WDR17: variants seen among roughly 807,000 people sequenced by gnomAD.
The protein encoded by WDR17 is WD repeat-containing protein 17.
A neutral mutation model predicts 161.7 loss-of-function variants in WDR17; 143 were observed. The observed-to-expected ratio is 0.88, with a 90% CI of 0.77 to 1.02. The LOEUF is 1.02. Among genes scored for constraint, WDR17 ranks in the 50% least tolerant of loss-of-function variants. The probability of loss-of-function intolerance (pLI) is 0.00; values close to 1 mark genes in which losing one functional copy is unlikely to be tolerated. For missense variants in WDR17, 1,469 were observed against 1,520.9 expected, an observed-to-expected ratio of 0.97 and a Z score of 0.57; for synonymous variants, 517 against 515.6, an observed-to-expected ratio of 1.00 and a Z score of -0.04.
At chr4:176,125,436 T>A (rs1420445438) in intron 5 of WDR17, 81 bp downstream of exon 5, 3 of 1,510,416 alleles carry the variant, frequency 2.0e-6, no homozygotes, top group South Asian at 1.3e-5. Context: ...CCTTTATAGG[T>A]TGATTTTGTG....
intron 1 of WDR17, among the ~76,000 whole-genome samples, chr4:176,108,327 G>A (rs567216181): frequency 1.3e-5 from 2 of 152,116 alleles, no homozygotes; most frequent in African/African-American, 4.8e-5. Context: ...GTCTGTAAAG[G>A]CTACATAATG....
intron 1 of WDR17, among the ~76,000 whole-genome samples, chr4:176,082,137 G>T (rs992155547): frequency 1.3e-5 from 2 of 150,970 alleles, no homozygotes; most frequent in African/African-American, 2.4e-5. Flanking sequence ...TATACTATTT[G>T]CCAAAATGAA....
chr4:176,159,073 C>A (rs1047496805), intron 18 of WDR17, among the ~76,000 whole-genome samples: 1 of 152,078 alleles, frequency 6.6e-6, no homozygotes, highest in Middle Eastern at 3.2e-3. Flanking sequence ...AAAATACTTT[C>A]CATTTTCAGC....
At chr4:176,152,140 C>G (rs900059243) in intron 17 of WDR17, among the ~76,000 whole-genome samples, 173 bp downstream of exon 17, 11 of 151,244 alleles carry the variant, frequency 7.3e-5, no homozygotes, top group African/African-American at 1.9e-4. Context: ...TAAAACCCCA[C>G]CTCTACAAAA....
intron 11 of WDR17, 46 bp from the exon 12 acceptor site, chr4:176,145,949 T>C (rs774434510): frequency 3.9e-6 from 6 of 1,528,260 alleles, no homozygotes; most frequent in Non-Finnish European, 5.4e-6. Context: ...TTATTAGTTA[T>C]ATATCATATT....
chr4:176,162,516 A>G (rs913943369), intron 21 of WDR17, among the ~76,000 whole-genome samples: 3 of 152,230 alleles, frequency 2.0e-5, no homozygotes, highest in Admixed American at 6.5e-5. Context: ...TTTCTCACAC[A>G]TACTGACTTT....
Position 176,182,147 on chromosome 4 carries a change from T to C in WDR17, c.*2568T>C, listed in dbSNP as rs1432289892. 6.6e-6 allele frequency: 1 copy of C among 152,016 alleles called. No individual in the cohort carries two copies. Among genetic ancestry groups the C allele is most frequent in the Non-Finnish European group, 1.5e-5 (1 of 67,920 alleles). The allele number at this position is 152,016 out of a possible 1,614,324, so 9.4% of individuals were successfully genotyped here. On this transcript the variant is annotated 3_prime_UTR_variant, in exon 29 of 29. Transcript: ENST00000508596. This position sits in a 1 kb window ranked among gnomAD's most constrained non-coding sequence, Gnocchi z 4.2. ...TATTTGAAAATGTTCATATTACCAA[T>C]AATGTGGACAAATTACTTTGCAGGT...
intron 1 of WDR17, among the ~76,000 whole-genome samples, chr4:176,096,140 G>C (rs1050536610): frequency 2.0e-5 from 3 of 151,880 alleles, no homozygotes; most frequent in African/African-American, 7.3e-5. Context: ...ATTTTCTGCT[G>C]CCCATTTTGT....
At chr4:176,119,170 A>G (rs140678380) in intron 3 of WDR17, among the ~76,000 whole-genome samples, 292 of 152,234 alleles carry the variant, frequency 1.9e-3, no homozygotes, top group African/African-American at 6.8e-3. Flanking sequence ...TATATTAACA[A>G]TTAACTTTTA....
intron 12 of WDR17, among the ~76,000 whole-genome samples, chr4:176,147,337 C>A (rs941036374): frequency 4.5e-4 from 68 of 152,186 alleles, no homozygotes; most frequent in African/African-American, 1.5e-3. Context: ...GCAAAATTAG[C>A]AGTTGGAGGT....
In WDR17 at chr4:176,177,065, T is replaced by C. The variant is rs1751553146; in HGVS notation, c.3457T>C (p.Leu1153=). The C allele has an allele frequency of 2.5e-6, 4 of 1,613,510 alleles. No homozygotes were observed. The highest frequency in any genetic ancestry group is 1.3e-5 in the African/African-American group (1 of 74,912). ...TCCTTTTCACACGTTCAGTCAGCTATTAAAACGTCGGGAGGTGTCAGTACC... is the reference window on the plus strand; with the variant it reads ...TCCTTTTCACACGTTCAGTCAGCTACTAAAACGTCGGGAGGTGTCAGTACC... ...PALYEYTSQL[L]KRREVSVPLK... Residue 1153 remains leucine (L), a synonymous_variant, in exon 27 of 29, where the codon TTA becomes CTA. Coordinates refer to ENST00000508596, the MANE Select transcript of WDR17 (RefSeq NM_181265.4).
At chr4:176,096,533 C>T in intron 1 of WDR17, 1 of 1,601,150 alleles carries the variant, frequency 6.2e-7, no homozygotes, top group Non-Finnish European at 8.5e-7. Context: ...GCTTGGATGA[C>T]TTACATTTCA....
Position 176,148,172 on chromosome 4 carries a change from C to T in WDR17, c.1734C>T (p.Ile578=), listed in dbSNP as rs1746496759. 6.2e-7 allele frequency: 1 copy of T among 1,613,910 alleles called. No individual in the cohort carries two copies. The highest frequency in any genetic ancestry group is 8.5e-7 in the Non-Finnish European group (1 of 1,179,926). ...RIWDYTQDAC[I]NILNGHTAPV... ...GGGATTATACTCAGGATGCTTGCAT[C>T]AATATTCTTAATGGACACACTGCAC... The change falls in exon 13 of 29, where the codon ATC becomes ATT. Residue 578 remains isoleucine, a synonymous_variant. Coordinates refer to ENST00000508596, the MANE Select transcript of WDR17 (RefSeq NM_181265.4).
chr4:176,078,698 T>A (rs768645929), intron 1 of WDR17, among the ~76,000 whole-genome samples: 17 of 152,104 alleles, frequency 1.1e-4, no homozygotes, highest in Non-Finnish European at 1.5e-4. Context: ...TCTCTCCAAT[T>A]CTACTCATAT....
chr4:176,100,452 G>T (rs1429696120), intron 1 of WDR17, among the ~76,000 whole-genome samples: 1 of 151,964 alleles, frequency 6.6e-6, no homozygotes, highest in Non-Finnish European at 1.5e-5. Context: ...TTGTCATTGA[G>T]TTGTTTGGTT....
intron 17 of WDR17, among the ~76,000 whole-genome samples, chr4:176,152,777 A>G (rs913994852): frequency 6.6e-6 from 1 of 151,008 alleles, no homozygotes; most frequent in Non-Finnish European, 1.5e-5. Context: ...TCTTCTAAAA[A>G]TATAAAAATT....
At chr4:176,071,541 T>C (rs1192280839) in intron 1 of WDR17, among the ~76,000 whole-genome samples, 1 of 152,168 alleles carries the variant, frequency 6.6e-6, no homozygotes, top group Non-Finnish European at 1.5e-5. Context: ...CAGGCTGGTC[T>C]CAAACTCCTG....
chr4:176,123,347 A>T (rs142246329), intron 4 of WDR17, among the ~76,000 whole-genome samples: 7 of 152,216 alleles, frequency 4.6e-5, no homozygotes, highest in African/African-American at 1.7e-4. Context: ...TACAGCAGAC[A>T]CTCGCTGAGC....
chr4:176,084,315 A>G (rs1045196401), intron 1 of WDR17, among the ~76,000 whole-genome samples: 1 of 152,134 alleles, frequency 6.6e-6, no homozygotes, highest in African/African-American at 2.4e-5. Context: ...GTGTGCAAAG[A>G]ACACACAGCA....
Sources: gnomAD v4.1 joint callset for allele counts (sites outside exome capture counted in the v4.1 genomes callset) on GRCh38, gnomAD v4.1.1 for gene constraint, Gnocchi (gnomAD v3.1) non-coding constraint, MANE v1.5 for transcripts, NCBI Gene and HGNC (gene_info 2026-07-23, HGNC 2026-07-21) for gene names.